The following SLIT3 variants were observed in gnomAD, a reference collection of about 807,000 sequenced individuals.
SLIT3 encodes slit homolog 3 protein.
Under a neutral mutation model 184.0 loss-of-function variants are expected in SLIT3, and 68 were observed. The ratio of observed to expected loss-of-function variants is 0.37; its 90% CI spans 0.30 to 0.45. The LOEUF (loss-of-function observed/expected upper bound fraction) is 0.45. Ranked by LOEUF, SLIT3 falls within the 20% of genes least tolerant of loss-of-function variation. The pLI is 1.00. For missense variants in SLIT3, 1,707 were observed against 2,026.0 expected (o/e 0.84, Z 3.02); for synonymous variants, 831 against 828.6 (o/e 1.00, Z -0.05).
At chr5:168,706,626 T>G (rs893854814) in intron 26 of SLIT3, 1 of 152,188 alleles carries the variant, frequency 6.6e-6, no homozygotes, top group African/African-American at 2.4e-5. Context: ...TAGTCTCTTC[T>G]CTGATTTTTA....
intron 20 of SLIT3, among the ~76,000 whole-genome samples, chr5:168,744,299 G>GAAACA (rs1286910625): frequency 8.5e-5 from 13 of 152,106 alleles, no homozygotes; most frequent in East Asian, 5.8e-4. Context: ...AAAACAAAAC[G>GAAACA]AAACAAAACA....
intron 8 of SLIT3, among the ~76,000 whole-genome samples, chr5:168,814,744 CA>C (rs1410417737): frequency 1.3e-5 from 2 of 152,326 alleles, no homozygotes; most frequent in East Asian, 3.9e-4. Flanking sequence ...GCAGTTTTTG[CA>C]ATTGAAAGTA....
intron 5 of SLIT3, among the ~76,000 whole-genome samples, chr5:168,846,595 C>T (rs566550984): frequency 3.3e-5 from 5 of 151,862 alleles, no homozygotes; most frequent in African/African-American, 4.8e-5. Context: ...CTTTTGGCTT[C>T]GAGAAACTGT....
At chr5:168,723,519 C>G (rs1357851464) in intron 21 of SLIT3, among the ~76,000 whole-genome samples, 1 of 152,224 alleles carries the variant, frequency 6.6e-6, no homozygotes, top group African/African-American at 2.4e-5. Context: ...TTTCACTGTA[C>G]CAACAAAATA....
At chr5:169,213,395 C>T (rs1764334701) in intron 3 of SLIT3, among the ~76,000 whole-genome samples, 2 of 152,152 alleles carry the variant, frequency 1.3e-5, no homozygotes, top group Admixed American at 1.3e-4. Flanking sequence ...TATCAAGCTG[C>T]CATTGGCTTT....
chr5:169,149,544 A>G (rs1427030306), intron 4 of SLIT3, among the ~76,000 whole-genome samples: 1 of 152,246 alleles, frequency 6.6e-6, no homozygotes, highest in Non-Finnish European at 1.5e-5. Flanking sequence ...ACAAGTCCAC[A>G]GAATCAAAGA....
At chr5:168,923,634 G>A (rs144023423) in intron 4 of SLIT3, among the ~76,000 whole-genome samples, 17 of 151,178 alleles carry the variant, frequency 1.1e-4, no homozygotes, top group African/African-American at 3.4e-4. Context: ...CTCCTGCCTC[G>A]GCCTCTCAGT....
chr5:168,711,208 A>G lies in SLIT3; in HGVS notation c.2556-150T>C, dbSNP rs541506587. 31 of 635,730 alleles carry G rather than the reference A, an allele frequency of 4.9e-5. No individual in the cohort carries two copies. The East Asian group carries it at 9.3e-4, about 19-fold the overall frequency. 39.4% of individuals were successfully genotyped at this position (635,730 alleles called of 1,614,324 possible). On this transcript the variant is annotated intron_variant, in intron 24 of 35. Coordinates refer to ENST00000519560, the MANE Select transcript of SLIT3 (RefSeq NM_003062.4). The stretch of plus-strand genomic sequence containing the variant: ...CGGAGTAGTCGTCTCCACTGTGGCA[A>G]AGTTAATATCTCCAGAGTGTACTTC...
At chr5:168,911,694 T>C (rs149982110) in intron 4 of SLIT3, among the ~76,000 whole-genome samples, 2 of 152,336 alleles carry the variant, frequency 1.3e-5, no homozygotes, top group South Asian at 2.1e-4. Flanking sequence ...GTCGGGATCA[T>C]AGCGGGAAAG....
intron 4 of SLIT3, among the ~76,000 whole-genome samples, chr5:168,913,462 T>C (rs1324150017): frequency 6.6e-6 from 1 of 152,170 alleles, no homozygotes; most frequent in African/African-American, 2.4e-5. Flanking sequence ...AAAGAATATA[T>C]GCCCATGATT....
At chr5:168,784,247 T>C (rs1756075040) in intron 12 of SLIT3, among the ~76,000 whole-genome samples, 1 of 152,202 alleles carries the variant, frequency 6.6e-6, no homozygotes, top group South Asian at 2.1e-4. Flanking sequence ...GCAGTTATAA[T>C]GCACAGTTTC....
At chr5:169,104,266 G>C (rs933967599) in intron 4 of SLIT3, among the ~76,000 whole-genome samples, 10 of 152,156 alleles carry the variant, frequency 6.6e-5, no homozygotes, top group Admixed American at 5.9e-4. Flanking sequence ...TGCCTTTTGT[G>C]CATGTTTACA....
intron 4 of SLIT3, among the ~76,000 whole-genome samples, chr5:169,184,648 A>ACCAGACTTC (rs1175692987): frequency 6.6e-6 from 1 of 152,182 alleles, no homozygotes. Flanking sequence ...AATCTAATGA[A>ACCAGACTTC]CCAGACTTCC....
intron 4 of SLIT3, among the ~76,000 whole-genome samples, chr5:168,960,434 C>T (rs551056533): frequency 8.5e-5 from 13 of 152,296 alleles, no homozygotes; most frequent in African/African-American, 2.9e-4. Flanking sequence ...ATCATAACAA[C>T]CAAACGAGGT....
At chr5:169,298,617 C>A (rs1012661000) in intron 1 of SLIT3, among the ~76,000 whole-genome samples, 6 of 152,196 alleles carry the variant, frequency 3.9e-5, no homozygotes, top group East Asian at 3.9e-4. Context: ...ATTCTAAGAT[C>A]CAAGCCCAGC....
Position 168,774,988 on chromosome 5 carries a change from A to T in SLIT3, c.1152-610T>A, listed in dbSNP as rs189914996. Among the ~76,000 whole-genome samples the T allele has an allele frequency of 2.5e-3, 373 of 150,010 alleles. 3 individuals carry two copies. Among genetic ancestry groups the T allele is most frequent in the African/African-American group, 8.7e-3 (354 of 40,744 alleles). ...TGACCTTGGCCCTTTCGCCAACCTC[A>T]TCCTAACCCCACTCACCCCAAACTC... On this transcript the variant is annotated intron_variant, in intron 12 of 35. Coordinates refer to ENST00000519560, the MANE Select transcript of SLIT3 (RefSeq NM_003062.4).
At chr5:169,106,622 C>T (rs538899552) in intron 4 of SLIT3, among the ~76,000 whole-genome samples, 1 of 152,184 alleles carries the variant, frequency 6.6e-6, no homozygotes, top group Admixed American at 6.5e-5. Flanking sequence ...ATCTTTGTCT[C>T]AGTTCTGAGC....
At chr5:169,183,910 G>T (rs1453361934) in intron 4 of SLIT3, among the ~76,000 whole-genome samples, 1 of 152,126 alleles carries the variant, frequency 6.6e-6, no homozygotes, top group Admixed American at 6.5e-5. Context: ...GTCACAGCTT[G>T]GTTTTCTTTC....
rs1286512611 is a variant in SLIT3 at position 169,300,495 on chromosome 5, T to A, written c.197+18A>T. ...ACCCAGGTGGGTGGCCCGCGTGGGG[T>A]GGGGCAGGGGTACTCACAGGCGCTC... is the stretch of plus-strand genomic sequence containing the variant. On this transcript the variant is annotated intron_variant, in intron 1 of 35. Coordinates refer to ENST00000519560, the MANE Select transcript of SLIT3 (RefSeq NM_003062.4). This position sits in a 1 kb window ranked among gnomAD's most constrained non-coding sequence, Gnocchi z 4.1. 1.4e-6 allele frequency: 2 copies of A among 1,458,668 alleles called. No homozygotes were observed. Among genetic ancestry groups the A allele is most frequent in the South Asian group, 1.3e-5 (1 of 74,566 alleles). The allele number at this position is 1,458,668 out of a possible 1,614,324, so 90.4% of individuals were successfully genotyped here. A position where few individuals can be genotyped will look rare whatever the true frequency, so the allele number is the denominator to read the frequency against.
Sources: allele counts gnomAD v4.1 joint callset (sites outside exome capture counted in the v4.1 genomes callset), GRCh38; gene constraint gnomAD v4.1.1; non-coding constraint Gnocchi (gnomAD v3.1); transcripts MANE v1.5; gene names NCBI Gene and HGNC (gene_info 2026-07-23, HGNC 2026-07-21).